The following DOK7 variants were observed in gnomAD, a reference collection of about 807,000 sequenced individuals.
The protein encoded by DOK7 is docking protein 7, also known as protein Dok-7.
A neutral mutation model predicts 30.7 loss-of-function variants in DOK7; 32 were observed. The ratio of observed to expected loss-of-function variants is 1.04; its 90% CI spans 0.79 to 1.40. The LOEUF (loss-of-function observed/expected upper bound fraction) is 1.40, where lower values mean the gene tolerates loss of function less well. DOK7 is among the 40% of genes most tolerant of loss of function. The pLI is 0.00. For synonymous variants in DOK7, 447 were observed against 324.1 expected (o/e 1.38, Z -4.07); for missense variants, 1,007 against 699.2 (o/e 1.44, Z -4.97).
downstream of DOK7, among the ~76,000 whole-genome samples, chr4:3,495,316 T>C (rs1728845690): frequency 6.7e-6 from 1 of 148,484 alleles, no homozygotes; most frequent in African/African-American, 2.6e-5. Flanking sequence ...GCCAGGCCCT[T>C]CCCGCTAGTC....
At chr4:3,468,850 T>C (rs542350636) in intron 2 of DOK7, among the ~76,000 whole-genome samples, 5 of 149,716 alleles carry the variant, frequency 3.3e-5, no homozygotes, top group South Asian at 2.1e-4. Flanking sequence ...TGTATGTGTG[T>C]GCGCGTATGA....
chr4:3,488,296 C>G (rs557434495), intron 5 of DOK7, among the ~76,000 whole-genome samples: 1 of 152,366 alleles, frequency 6.6e-6, no homozygotes, highest in African/African-American at 2.4e-5. Context: ...TGAGCTCTCA[C>G]CTGCCCGTGG....
intron 2 of DOK7, among the ~76,000 whole-genome samples, chr4:3,466,484 CTGG>C (rs1726271820): frequency 6.6e-6 from 1 of 152,226 alleles, no homozygotes; most frequent in African/African-American, 2.4e-5. Flanking sequence ...GCAGAGCCTC[CTGG>C]TGGTGGATTT....
At chr4:3,474,127 C>T (rs1489058743) in intron 3 of DOK7, among the ~76,000 whole-genome samples, 1 of 152,132 alleles carries the variant, frequency 6.6e-6, no homozygotes, top group Non-Finnish European at 1.5e-5. Context: ...TCAGTCCCAG[C>T]CCTGCAGGGG....
At chr4:3,466,403 T>G (rs1332816195) in intron 2 of DOK7, among the ~76,000 whole-genome samples, 2 of 151,958 alleles carry the variant, frequency 1.3e-5, no homozygotes, top group African/African-American at 4.8e-5. Flanking sequence ...AGTGCTGTCC[T>G]GGGGCCCTGC....
intron 6 of DOK7, among the ~76,000 whole-genome samples, chr4:3,490,098 C>G (rs1728126401): frequency 1.3e-5 from 1 of 79,676 alleles, no homozygotes; most frequent in Non-Finnish European, 2.5e-5. Flanking sequence ...TCATTCATTC[C>G]TTTCTTCACC....
intron 6 of DOK7, among the ~76,000 whole-genome samples, chr4:3,490,088 T>TTCATTCCTTTCTTCACCCC (rs1728124006): frequency 3.3e-5 from 1 of 30,068 alleles, no homozygotes; most frequent in Admixed American, 4.8e-4. Context: ...CTTCACCCCC[T>TTCATTCCTTTCTTCACCCC]CATTCATTCC....
At position 3,494,437 on chromosome 4, in the gene DOK7, CCAGA is replaced by C; in HGVS notation, c.*939_*942del. ...CCTTCACTGTCAGCTGTTTCTAAAC[CCAGA>C]CACTGTTTGTAATAGACTGGAAATA... is the stretch of plus-strand genomic sequence containing the variant. On this transcript the variant is annotated 3_prime_UTR_variant, in exon 7 of 7. Transcript: ENST00000340083. 1.0e-6 allele frequency: 1 copy of C among 985,550 alleles called. No homozygotes were observed. Among genetic ancestry groups the C allele is most frequent in the Non-Finnish European group, 1.2e-6 (1 of 830,078 alleles). The allele number at this position is 985,550 out of a possible 1,614,324, so 61.1% of individuals were successfully genotyped here. A position where few individuals can be genotyped will look rare whatever the true frequency, so the allele number is the denominator to read the frequency against.
chr4:3,487,565 G>A (rs1014286341), intron 5 of DOK7, among the ~76,000 whole-genome samples: 4 of 152,350 alleles, frequency 2.6e-5, no homozygotes, highest in Non-Finnish European at 5.9e-5. Context: ...AGGGCTCAGA[G>A]GTCTGGGGTC....
At chr4:3,500,621 G>T in intron 7 of DOK7, 1 of 1,534,070 alleles carries the variant, frequency 6.5e-7, no homozygotes, top group Admixed American at 2.0e-5. Context: ...TGGGGGACTG[G>T]TGTGGAGGGC....
chr4:3,463,462 G>GGGGGGGGGGGGGGGC, intron 1 of DOK7, 33 bp downstream of exon 1: 2 of 1,215,590 alleles, frequency 1.6e-6, no homozygotes, highest in Non-Finnish European at 1.1e-6. Context: ...GGGGGGGGGG[G>GGGGGGGGGGGGGGGC]CGCGGGCGCG....
chr4:3,473,662 C>T lies in DOK7; in HGVS notation c.331+26C>T, dbSNP rs375466444. 28 of 1,520,358 alleles carry T rather than the reference C, an allele frequency of 1.8e-5. No homozygotes were observed. The African/African-American group carries it at 3.4e-4, about 19-fold the overall frequency. The allele number at this position is 1,520,358 out of a possible 1,614,324, so 94.2% of individuals were successfully genotyped here. A position where few individuals can be genotyped will look rare whatever the true frequency, so the allele number is the denominator to read the frequency against. ...GTGAGTGACGGGGGCCGGGGCCGGG[C>T]GGGGGCTCCCCGTTCAGGTGTGCCG... On this transcript the variant is annotated intron_variant, in intron 3 of 6. Coordinates refer to ENST00000340083, the MANE Select transcript of DOK7 (RefSeq NM_173660.5).
In DOK7 at chr4:3,476,287, T is replaced by A; in HGVS notation, c.332-55T>A. ...GATGCCCTCTCACCCCACCCGCCCGTGATGTCCTCTCACCCTGCCCGCCCG... is the reference window on the plus strand; with the variant it reads ...GATGCCCTCTCACCCCACCCGCCCGAGATGTCCTCTCACCCTGCCCGCCCG... On this transcript the variant is annotated intron_variant, in intron 3 of 6. Transcript: ENST00000340083. 14 of 669,438 alleles carry A rather than the reference T, an allele frequency of 2.1e-5. 4 individuals carry two copies. Among genetic ancestry groups the A allele is most frequent in the East Asian group, 5.4e-5 (1 of 18,650 alleles). 41.5% of individuals were successfully genotyped at this position (669,438 alleles called of 1,614,324 possible).
downstream of DOK7, chr4:3,494,594 C>T: frequency 8.8e-6 from 8 of 906,526 alleles, no homozygotes; most frequent in African/African-American, 1.8e-5. Context: ...GCCTTTATCT[C>T]AGAGAGTGCG....
At chr4:3,489,827 A>G in intron 6 of DOK7, 31 bp downstream of exon 6, 2 of 1,560,070 alleles carry the variant, frequency 1.3e-6, no homozygotes, top group South Asian at 1.2e-5. Context: ...GGGCTGTGGG[A>G]CCTCGGCTAA....
At chr4:3,477,524 C>T (rs1321887672) in intron 4 of DOK7, among the ~76,000 whole-genome samples, 1 of 152,284 alleles carries the variant, frequency 6.6e-6, no homozygotes, top group Non-Finnish European at 1.5e-5. Context: ...CGTTCTGCCA[C>T]CTTCTGCGCT....
chr4:3,482,364 A>G (rs1727487147), intron 4 of DOK7, among the ~76,000 whole-genome samples: 1 of 152,246 alleles, frequency 6.6e-6, no homozygotes, highest in African/African-American at 2.4e-5. Flanking sequence ...AAGGCCCAGG[A>G]AAGCACTGTG....
In DOK7 at chr4:3,473,454, G is replaced by T. The variant is rs1321750330; in HGVS notation, c.149G>T (p.Gly50Val). ...VYKDKSERIKGLRERSSLTLE... is the reference protein window; with the variant it reads ...VYKDKSERIKVLRERSSLTLE... ...AAGGACAAGTCGGAGCGTATCAAGG[G>T]CCTGCGGGAGCGCAGCAGCCTGACG... Residue 50 changes from glycine (G) to valine (V), a missense_variant, in exon 3 of 7, where the codon GGC becomes GTC. Gly to Val is a moderately radical substitution (Grantham distance 109). Transcript: ENST00000340083. 1.2e-6 allele frequency: 2 copies of T among 1,610,950 alleles called. No individual in the cohort carries two copies. The highest frequency in any genetic ancestry group is 1.7e-6 in the Non-Finnish European group (2 of 1,179,776).
exon 7 of DOK7, chr4:3,500,401 G>C: frequency 1.3e-6 from 2 of 1,535,860 alleles, no homozygotes; most frequent in African/African-American, 1.4e-5. Context: ...GAGGGTGTCC[G>C]AGGTGGGTCC....
Sources: gnomAD v4.1 joint callset for allele counts (sites outside exome capture counted in the v4.1 genomes callset) on GRCh38, gnomAD v4.1.1 for gene constraint, MANE v1.5 for transcripts, NCBI Gene and HGNC (gene_info 2026-07-23, HGNC 2026-07-21) for gene names.